SLC6A6: variants seen among roughly 807,000 people sequenced by gnomAD.
The protein encoded by SLC6A6 is solute carrier family 6 member 6, also known as sodium- and chloride-dependent taurine transporter.
SLC6A6 carries 16 observed loss-of-function variants against 68.8 expected under a neutral mutation model. The observed-to-expected ratio is 0.23, with a 90% confidence interval of 0.16 to 0.35. SLC6A6 has a LOEUF of 0.35. Among genes scored for constraint, SLC6A6 ranks in the 10% least tolerant of loss-of-function variants. The pLI, the probability that SLC6A6 is intolerant of heterozygous loss-of-function variation, is 1.00. For missense variants in SLC6A6, 474 were observed against 802.8 expected, an observed-to-expected ratio of 0.59 and a Z score of 4.95; for synonymous variants, 312 against 315.4, an observed-to-expected ratio of 0.99 and a Z score of 0.12.
chr3:14,412,412 G>A (rs1226031123), intron 1 of SLC6A6, among the ~76,000 whole-genome samples: 2 of 152,212 alleles, frequency 1.3e-5, no homozygotes, highest in African/African-American at 4.8e-5. Context: ...AGGTGTGGTG[G>A]CTCACGCCTG....
At chr3:14,478,100 A>G (rs1236072784) in intron 11 of SLC6A6, among the ~76,000 whole-genome samples, 1 of 152,046 alleles carries the variant, frequency 6.6e-6, no homozygotes, top group Non-Finnish European at 1.5e-5. Context: ...ACCAGAAGTA[A>G]AAGTGTTTTT....
chr3:14,467,195 C>A (rs575311084), intron 7 of SLC6A6, among the ~76,000 whole-genome samples: 2 of 152,266 alleles, frequency 1.3e-5, no homozygotes, highest in East Asian at 3.9e-4. Flanking sequence ...GACCTGAATC[C>A]CCAGGGCCTT....
intron 1 of SLC6A6, among the ~76,000 whole-genome samples, chr3:14,411,732 C>T (rs1322217913): frequency 6.6e-6 from 1 of 152,164 alleles, no homozygotes; most frequent in East Asian, 1.9e-4. Context: ...CTGAGTGGCT[C>T]CAGGCTTGGA....
Position 14,488,971 on chromosome 3 carries a change from A to G in SLC6A6, c.*3964A>G, listed in dbSNP as rs1701255457. 1.3e-5 allele frequency: 2 copies of G among 152,510 alleles called. No individual in the cohort carries two copies. The highest frequency in any genetic ancestry group is 4.8e-5 in the African/African-American group (2 of 41,392). The allele number at this position is 152,510 out of a possible 1,614,324, so 9.4% of individuals were successfully genotyped here. A position where few individuals can be genotyped will look rare whatever the true frequency, so the allele number is the denominator to read the frequency against. ...TAGCAACTGTGACTCTGTATTTAGC[A>G]CAAGAGAAAGCTGAGAATGTGGGTC... On this transcript the variant is annotated 3_prime_UTR_variant, in exon 15 of 15. Coordinates refer to ENST00000622186, the MANE Select transcript of SLC6A6 (RefSeq NM_003043.6).
chr3:14,453,072 G>A (rs562297078), intron 5 of SLC6A6, among the ~76,000 whole-genome samples: 16 of 152,370 alleles, frequency 1.1e-4, no homozygotes, highest in African/African-American at 2.6e-4. Context: ...AAGGCTGCAC[G>A]GCCCCGTGCT....
At chr3:14,463,333 A>ATTAACT (rs1700537464) in intron 6 of SLC6A6, among the ~76,000 whole-genome samples, 2 of 152,240 alleles carry the variant, frequency 1.3e-5, no homozygotes, top group South Asian at 4.1e-4. Flanking sequence ...GTTAAAACTC[A>ATTAACT]CGAAGCCCTT....
chr3:14,439,736 C>T (rs1240368879), intron 2 of SLC6A6, among the ~76,000 whole-genome samples: 7 of 152,162 alleles, frequency 4.6e-5, no homozygotes, highest in African/African-American at 7.2e-5. Context: ...GTACTCACTG[C>T]GCAGCGGGGT....
Position 14,458,102 on chromosome 3 carries a change from G to T in SLC6A6, c.732+20G>T, listed in dbSNP as rs533640088. The T allele has an allele frequency of 2.5e-6, 4 of 1,610,050 alleles. No homozygotes were observed. Among genetic ancestry groups the T allele is most frequent in the Non-Finnish European group, 2.6e-6 (3 of 1,176,448 alleles). ...GGGAAGGTAAGTTGGACTTCTGTCCGTCCCCTGCCTCCTGGAGAGCTGTGC... is the reference window on the plus strand; with the variant it reads ...GGGAAGGTAAGTTGGACTTCTGTCCTTCCCCTGCCTCCTGGAGAGCTGTGC... On this transcript the variant is annotated intron_variant, in intron 6 of 14. Transcript: ENST00000622186.
At chr3:14,421,160 G>A (rs182977863) in intron 2 of SLC6A6, among the ~76,000 whole-genome samples, 2 of 152,196 alleles carry the variant, frequency 1.3e-5, no homozygotes, top group Admixed American at 1.3e-4. Flanking sequence ...TTTAGGAAAC[G>A]GGATTTAAAA....
At chr3:14,473,961 G>C (rs1700812648) in intron 10 of SLC6A6, among the ~76,000 whole-genome samples, 1 of 152,264 alleles carries the variant, frequency 6.6e-6, no homozygotes, top group Non-Finnish European at 1.5e-5. Flanking sequence ...TCCCCAGGAA[G>C]TGGGGCCTGG....
intron 6 of SLC6A6, among the ~76,000 whole-genome samples, chr3:14,465,511 G>A (rs1435283488): frequency 6.6e-6 from 1 of 152,208 alleles, no homozygotes; most frequent in African/African-American, 2.4e-5. Flanking sequence ...CCTACTGAGT[G>A]GCAGTGTTAC....
Position 14,407,588 on chromosome 3 carries a change from C to T in SLC6A6, c.-54+4741C>T, listed in dbSNP as rs138052980. ...AGTGGCATGATCTCTACTGCAGCCTCGACCTCCCCAGTCTCAGATGATCCT... is the reference window on the plus strand; with the variant it reads ...AGTGGCATGATCTCTACTGCAGCCTTGACCTCCCCAGTCTCAGATGATCCT... On this transcript the variant is annotated intron_variant, in intron 1 of 14. Coordinates refer to ENST00000622186, the MANE Select transcript of SLC6A6 (RefSeq NM_003043.6). Among the ~76,000 whole-genome samples the T allele has an allele frequency of 3.4e-3, 509 of 151,308 alleles. 2 individuals carry two copies. The highest frequency in any genetic ancestry group is 0.012 in the African/African-American group (485 of 41,186).
At chr3:14,438,473 C>T (rs145755188) in intron 2 of SLC6A6, among the ~76,000 whole-genome samples, 21 of 152,182 alleles carry the variant, frequency 1.4e-4, no homozygotes, top group Admixed American at 4.6e-4. Flanking sequence ...GTGGAAAGGG[C>T]GGGGCAAGGG....
intron 5 of SLC6A6, 131 bp downstream of exon 5, chr3:14,447,947 A>G: frequency 6.8e-7 from 1 of 1,467,578 alleles, no homozygotes; most frequent in South Asian, 1.4e-5. Flanking sequence ...GCAGATCTGG[A>G]GATAAATTTA....
At chr3:14,463,579 C>CA (rs1700544913) in intron 6 of SLC6A6, among the ~76,000 whole-genome samples, 1 of 152,248 alleles carries the variant, frequency 6.6e-6, no homozygotes, top group Admixed American at 6.5e-5. Flanking sequence ...GTGTGGCCCA[C>CA]AAAGGGCCCC....
intron 5 of SLC6A6, 181 bp downstream of exon 5, chr3:14,447,997 C>T (rs913141397): frequency 7.1e-7 from 1 of 1,402,654 alleles, no homozygotes; most frequent in African/African-American, 1.4e-5. Flanking sequence ...CCAGTTCTGC[C>T]ACTTACTGGC....
At position 14,468,028 on chromosome 3, in the gene SLC6A6, A is replaced by G; in HGVS notation, c.972-60A>G. ...ATGATGTTTAAAGAAAAAGAGAAGT[A>G]GGGAGCGTGGCTTCCTTGTGTTGTG... On this transcript the variant is annotated intron_variant, in intron 8 of 14. Transcript: ENST00000622186. This position sits in a 1 kb window ranked among gnomAD's most constrained non-coding sequence, Gnocchi z 4.5. 1.9e-6 allele frequency: 3 copies of G among 1,612,876 alleles called. No homozygotes were observed. The highest frequency in any genetic ancestry group is 2.2e-5 in the East Asian group (1 of 44,880).
In SLC6A6 at chr3:14,467,834, A is replaced by T; in HGVS notation, c.868-19A>T. On this transcript the variant is annotated intron_variant, in intron 7 of 14. Coordinates refer to ENST00000622186, the MANE Select transcript of SLC6A6 (RefSeq NM_003043.6). Reference sequence around the variant, plus strand: ...GACAGCCCTCCTCTCTTTCCTTGCCACCTCCCTCCCCCTCATAGGTGTGGA... The same window carrying T: ...GACAGCCCTCCTCTCTTTCCTTGCCTCCTCCCTCCCCCTCATAGGTGTGGA... 6.5e-7 allele frequency: 1 copy of T among 1,530,530 alleles called. No individual in the cohort carries two copies. The highest frequency in any genetic ancestry group is 9.0e-7 in the Non-Finnish European group (1 of 1,114,300). The allele number at this position is 1,530,530 out of a possible 1,614,324, so 94.8% of individuals were successfully genotyped here. A position where few individuals can be genotyped will look rare whatever the true frequency, so the allele number is the denominator to read the frequency against.
intron 1 of SLC6A6, among the ~76,000 whole-genome samples, chr3:14,414,394 G>A (rs1241893955): frequency 6.6e-6 from 1 of 152,152 alleles, no homozygotes. Flanking sequence ...GAGGAGGTGG[G>A]GTCAGTCCAT....
Sources: gnomAD v4.1 joint callset for allele counts (sites outside exome capture counted in the v4.1 genomes callset) on GRCh38, gnomAD v4.1.1 for gene constraint, Gnocchi (gnomAD v3.1) non-coding constraint, MANE v1.5 for transcripts, NCBI Gene and HGNC (gene_info 2026-07-23, HGNC 2026-07-21) for gene names.